The following SPAG16 variants were observed in gnomAD, a reference collection of about 807,000 sequenced individuals.
SPAG16 encodes sperm-associated antigen 16 protein.
Under a neutral mutation model 80.4 loss-of-function variants are expected in SPAG16, and 86 were observed. That is an observed-to-expected ratio of 1.07 (90% CI 0.90 to 1.28). The LOEUF is 1.28. Ranked by LOEUF, SPAG16 falls within the 50% of genes most tolerant of loss-of-function variation. The pLI is 0.00. For missense variants in SPAG16, 870 were observed against 765.3 expected (o/e 1.14, Z -1.61); for synonymous variants, 294 against 265.9 (o/e 1.11, Z -1.03).
rs116793503 is a variant in SPAG16 at position 214,284,664 on chromosome 2, T to C, written c.1721-125476T>C. On this transcript the variant is annotated intron_variant, in intron 15 of 15. Transcript: ENST00000331683. ...AGAAAGTTAAGAGTACAGCTAAATA[T>C]TATGTAAGTTGAAAATGATTGGTGC... 5.0e-3 allele frequency among the ~76,000 whole-genome samples: 767 copies of C among 152,324 alleles called. 5 individuals are homozygous for C. Among genetic ancestry groups the C allele is most frequent in the African/African-American group, 0.017 (726 of 41,578 alleles).
intron 12 of SPAG16, among the ~76,000 whole-genome samples, chr2:213,945,913 A>C (rs1248878209): frequency 6.6e-6 from 1 of 152,222 alleles, no homozygotes; most frequent in Non-Finnish European, 1.5e-5. Flanking sequence ...TTTTGCGAAC[A>C]ATACACCTTC....
At chr2:214,222,345 G>A (rs1316228515) in intron 15 of SPAG16, among the ~76,000 whole-genome samples, 1 of 151,962 alleles carries the variant, frequency 6.6e-6, no homozygotes, top group Non-Finnish European at 1.5e-5. Context: ...TTGAACTCCT[G>A]ACCTCAGGTG....
At chr2:213,325,403 A>G (rs1348713514) in intron 5 of SPAG16, among the ~76,000 whole-genome samples, 1 of 152,046 alleles carries the variant, frequency 6.6e-6, no homozygotes, top group East Asian at 1.9e-4. Flanking sequence ...GTGAGGTAGA[A>G]GCTAGAAGTT....
chr2:214,080,789 C>T (rs545267595), intron 13 of SPAG16, among the ~76,000 whole-genome samples: 1 of 152,030 alleles, frequency 6.6e-6, no homozygotes, highest in South Asian at 2.1e-4. Context: ...ACAAACATAA[C>T]CTTTACTTAA....
At chr2:214,104,473 G>T (rs978517166) in intron 13 of SPAG16, among the ~76,000 whole-genome samples, 2 of 152,076 alleles carry the variant, frequency 1.3e-5, no homozygotes, top group African/African-American at 2.4e-5. Flanking sequence ...GTAGGATGAT[G>T]GCCTGCCCCC....
intron 12 of SPAG16, among the ~76,000 whole-genome samples, chr2:213,976,155 C>CACAG (rs1491496784): frequency 7.1e-6 from 1 of 141,662 alleles, no homozygotes. Context: ...CACACACACA[C>CACAG]GTATGTATAT....
intron 14 of SPAG16, among the ~76,000 whole-genome samples, chr2:214,130,691 G>C (rs1197994493): frequency 1.3e-5 from 2 of 152,118 alleles, no homozygotes; most frequent in Non-Finnish European, 2.9e-5. Context: ...AGTCACATCG[G>C]CAGAAAACAC....
chr2:214,322,238 C>A (rs1696144835), intron 15 of SPAG16, among the ~76,000 whole-genome samples: 1 of 152,122 alleles, frequency 6.6e-6, no homozygotes, highest in African/African-American at 2.4e-5. Context: ...CTCAAATATA[C>A]CAACATTTCC....
chr2:213,982,585 A>T (rs1402469542), intron 12 of SPAG16, among the ~76,000 whole-genome samples: 1 of 150,824 alleles, frequency 6.6e-6, no homozygotes. Context: ...AAGCAAATAC[A>T]ACTTGTTACC....
intron 9 of SPAG16, among the ~76,000 whole-genome samples, chr2:213,489,081 G>GAAA (rs58151966): frequency 2.4e-4 from 22 of 90,918 alleles, no homozygotes; most frequent in Non-Finnish European, 3.2e-4. Context: ...TCTCAAAAAC[G>GAAA]AAAAAAAAAA....
At chr2:214,037,402 G>A (rs570035085) in intron 13 of SPAG16, among the ~76,000 whole-genome samples, 1 of 151,862 alleles carries the variant, frequency 6.6e-6, no homozygotes, top group African/African-American at 2.4e-5. Flanking sequence ...AGATTAAATT[G>A]TAATATTTAT....
At chr2:214,264,701 A>C (rs1304244882) in intron 15 of SPAG16, among the ~76,000 whole-genome samples, 1 of 152,184 alleles carries the variant, frequency 6.6e-6, no homozygotes. Flanking sequence ...AATGTATAAC[A>C]TCATGCATCC....
In SPAG16 at chr2:214,290,218, A is replaced by T. The variant is rs78887503; in HGVS notation, c.1721-119922A>T. On this transcript the variant is annotated intron_variant, in intron 15 of 15. Transcript: ENST00000331683. ...AGTATTTTAGCATATAGTTGTGCAT[A>T]ATGATCTCTGATGATCTTTTGTATT... Among the ~76,000 whole-genome samples, 8 of 152,246 alleles carry T rather than the reference A, an allele frequency of 5.3e-5. No homozygotes were observed. The South Asian group carries it at 1.7e-3, about 32-fold the overall frequency.
intron 15 of SPAG16, among the ~76,000 whole-genome samples, chr2:214,316,602 C>A (rs1479856437): frequency 6.6e-6 from 1 of 152,138 alleles, no homozygotes; most frequent in Non-Finnish European, 1.5e-5. Context: ...TTTTCAGGCT[C>A]TGAGATTTGA....
At chr2:214,002,970 G>T (rs1158352383) in intron 12 of SPAG16, among the ~76,000 whole-genome samples, 1 of 152,098 alleles carries the variant, frequency 6.6e-6, no homozygotes, top group African/African-American at 2.4e-5. Flanking sequence ...AGAATATTAG[G>T]CATCCAATAG....
chr2:213,808,691 T>G (rs2071927924), intron 10 of SPAG16, among the ~76,000 whole-genome samples: 1 of 152,226 alleles, frequency 6.6e-6, no homozygotes, highest in Admixed American at 6.5e-5. Context: ...AGTACTGTTT[T>G]GCTTTTGTTT....
chr2:213,931,094 T>A (rs6748907), intron 12 of SPAG16, among the ~76,000 whole-genome samples: 2 of 151,906 alleles, frequency 1.3e-5, no homozygotes, highest in African/African-American at 4.8e-5. Flanking sequence ...TATTTTAATG[T>A]TCTTTTCCCT....
rs560296807 is a variant in SPAG16 at position 213,455,197 on chromosome 2, C to T, written c.943-34766C>T. On this transcript the variant is annotated intron_variant, in intron 9 of 15. Coordinates refer to ENST00000331683, the MANE Select transcript of SPAG16 (RefSeq NM_024532.5). Reference sequence around the variant, plus strand: ...AGTTCTCTCATCATTAATGAGATTTCTTAAAATATGTGATTCTGAAGTTTT... The same window carrying T: ...AGTTCTCTCATCATTAATGAGATTTTTTAAAATATGTGATTCTGAAGTTTT... 3.9e-5 allele frequency among the ~76,000 whole-genome samples: 6 copies of T among 152,278 alleles called. 1 individual carries two copies. The South Asian group carries it at 1.2e-3, about 32-fold the overall frequency.
intron 9 of SPAG16, among the ~76,000 whole-genome samples, chr2:213,473,642 C>G (rs2073211239): frequency 6.6e-6 from 1 of 152,050 alleles, no homozygotes; most frequent in Non-Finnish European, 1.5e-5. Flanking sequence ...CTACTAGAAC[C>G]TTTTTTACTC....
Sources: allele counts gnomAD v4.1 joint callset (sites outside exome capture counted in the v4.1 genomes callset), GRCh38; gene constraint gnomAD v4.1.1; transcripts MANE v1.5; gene names NCBI Gene and HGNC (gene_info 2026-07-23, HGNC 2026-07-21).